TMED3: variants seen among roughly 807,000 people sequenced by gnomAD.
The protein encoded by TMED3 is transmembrane emp24 domain-containing protein 3.
In TMED3, 9 loss-of-function variants were observed where a neutral mutation model predicts 15.0. The observed-to-expected ratio is 0.60, with a 90% CI of 0.36 to 1.04. The LOEUF (loss-of-function observed/expected upper bound fraction) is 1.04, where lower values mean the gene tolerates loss of function less well. TMED3 is among the 50% of genes least tolerant of loss of function. TMED3 has a pLI of 0.01. For missense variants in TMED3, 267 were observed against 278.9 expected, an observed-to-expected ratio of 0.96 and a Z score of 0.30; for synonymous variants, 117 against 121.4, an observed-to-expected ratio of 0.96 and a Z score of 0.24.
chr15:79,411,599 A>C (rs1479509635), exon 3 of TMED3: 1 of 671,504 alleles, frequency 1.5e-6, no homozygotes, highest in African/African-American at 1.8e-5. Context: ...GCTACCATGC[A>C]CTGGGACTAG....
At chr15:79,379,802 A>C (rs1053850085) in intron 2 of TMED3, among the ~76,000 whole-genome samples, 3 of 152,208 alleles carry the variant, frequency 2.0e-5, no homozygotes, top group Non-Finnish European at 4.4e-5. Flanking sequence ...GACAGCTAGC[A>C]TATAATTTTG....
chr15:79,353,388 TTG>T (rs2058905556), intron 2 of TMED3, among the ~76,000 whole-genome samples: 1 of 125,896 alleles, frequency 7.9e-6, no homozygotes, highest in Non-Finnish European at 1.6e-5. Flanking sequence ...ATATAAAATT[TTG>T]TGTCTTTCAA....
At chr15:79,317,688 T>A (rs1357531508) in intron 2 of TMED3, among the ~76,000 whole-genome samples, 1 of 152,200 alleles carries the variant, frequency 6.6e-6, no homozygotes, top group Non-Finnish European at 1.5e-5. Flanking sequence ...TATGTGTGTG[T>A]CTCCATCCCT....
At chr15:79,322,925 T>C, downstream of TMED3, 3 of 982,264 alleles carry the variant, frequency 3.1e-6, no homozygotes, top group Non-Finnish European at 3.6e-6. Context: ...ATAATTAGAA[T>C]GTGACATAGA....
At chr15:79,405,639 C>T (rs76144520) in intron 2 of TMED3, among the ~76,000 whole-genome samples, 7,081 of 152,246 alleles carry the variant, frequency 0.047, 226 homozygotes, top group Admixed American at 0.086. Flanking sequence ...ATGTGACCAG[C>T]CCCTGAATTT....
intron 2 of TMED3, among the ~76,000 whole-genome samples, chr15:79,320,872 G>C (rs1244091081): frequency 1.3e-5 from 2 of 152,204 alleles, no homozygotes; most frequent in East Asian, 3.9e-4. Flanking sequence ...GGTGGTGGCA[G>C]GTTGGGCTCC....
At chr15:79,317,678 T>TA (rs755394182) in intron 2 of TMED3, among the ~76,000 whole-genome samples, 2 of 152,234 alleles carry the variant, frequency 1.3e-5, no homozygotes, top group African/African-American at 4.8e-5. Context: ...TGTATACACT[T>TA]ATGTGTGTGT....
At chr15:79,405,603 C>T (rs1342583537) in intron 2 of TMED3, among the ~76,000 whole-genome samples, 4 of 152,218 alleles carry the variant, frequency 2.6e-5, no homozygotes, top group African/African-American at 9.6e-5. Context: ...AAGTCTCCGA[C>T]CACTGAATGC....
At chr15:79,323,932 T>C (rs1180658192), downstream of TMED3, among the ~76,000 whole-genome samples, 1 of 152,210 alleles carries the variant, frequency 6.6e-6, no homozygotes, top group Non-Finnish European at 1.5e-5. Context: ...GCTTATGCAG[T>C]GTTTATGTTT....
intron 2 of TMED3, among the ~76,000 whole-genome samples, chr15:79,320,993 T>G (rs879130527): frequency 6.6e-6 from 1 of 152,226 alleles, no homozygotes; most frequent in Non-Finnish European, 1.5e-5. Flanking sequence ...CTGACTGTTG[T>G]ACCCTCAACG....
At chr15:79,324,238 G>A (rs764464910), downstream of TMED3, among the ~76,000 whole-genome samples, 6 of 152,148 alleles carry the variant, frequency 3.9e-5, no homozygotes, top group Non-Finnish European at 5.9e-5. Flanking sequence ...TGATCCGCCC[G>A]CCTCGGCCTC....
chr15:79,408,345 A>C (rs1893928886), intron 2 of TMED3, among the ~76,000 whole-genome samples: 1 of 152,178 alleles, frequency 6.6e-6, no homozygotes, highest in Admixed American at 6.5e-5. Flanking sequence ...CGGACGTATG[A>C]GTCACCCATA....
intron 1 of TMED3, among the ~76,000 whole-genome samples, chr15:79,312,178 G>A (rs1166629385): frequency 6.6e-6 from 1 of 152,190 alleles, no homozygotes; most frequent in Non-Finnish European, 1.5e-5. Context: ...GACGCATGCT[G>A]ATAGGCACTT....
intron 2 of TMED3, among the ~76,000 whole-genome samples, chr15:79,340,658 T>A (rs555466897): frequency 6.6e-6 from 1 of 152,344 alleles, no homozygotes; most frequent in African/African-American, 2.4e-5. Context: ...AGGAGGTTAT[T>A]TTTCCGGCAT....
chr15:79,320,226 AC>A (rs2058760299), intron 2 of TMED3, among the ~76,000 whole-genome samples: 1 of 151,804 alleles, frequency 6.6e-6, no homozygotes, highest in African/African-American at 2.4e-5. Context: ...GAAGGCTCGC[AC>A]TCTTGTCTTC....
intron 2 of TMED3, among the ~76,000 whole-genome samples, chr15:79,389,748 A>G (rs778905434): frequency 2.0e-5 from 3 of 151,758 alleles, no homozygotes; most frequent in Non-Finnish European, 4.4e-5. Flanking sequence ...CCATTTTTTG[A>G]TGTCATCTGT....
At chr15:79,327,702 T>A (rs2058792383), downstream of TMED3, among the ~76,000 whole-genome samples, 1 of 152,022 alleles carries the variant, frequency 6.6e-6, no homozygotes, top group Non-Finnish European at 1.5e-5. Context: ...TCTGGGAGAG[T>A]CTGACCATCT....
At position 79,322,038 on chromosome 15, in the gene TMED3, C is replaced by G. The variant is rs1204754680; in HGVS notation, c.478C>G (p.His160Asp). The G allele has an allele frequency of 6.2e-7, 1 of 1,614,222 alleles. No individual in the cohort carries two copies. Among genetic ancestry groups the G allele is most frequent in the South Asian group, 1.1e-5 (1 of 91,080 alleles). The part of the protein sequence containing the change: ...ALKTVIDSQT[H>D]YRLREAQDRA... ...GAAAACGGTGATTGACTCCCAGACG[C>G]ATTACCGGCTGCGGGAGGCCCAGGA... Residue 160 changes from histidine (H) to aspartate (D), a missense_variant, in exon 3 of 3, where the codon CAT (histidine) becomes GAT (aspartate). Physicochemically the swap from His to Asp is moderately conservative, Grantham distance 81. Coordinates refer to ENST00000299705, the MANE Select transcript of TMED3 (RefSeq NM_007364.4).
intron 2 of TMED3, among the ~76,000 whole-genome samples, chr15:79,365,278 A>G (rs1393473482): frequency 6.6e-6 from 1 of 152,266 alleles, no homozygotes; most frequent in Non-Finnish European, 1.5e-5. Flanking sequence ...GTAACTGATT[A>G]AAGACGAGAA....
Sources: allele counts gnomAD v4.1 joint callset (sites outside exome capture counted in the v4.1 genomes callset), GRCh38; gene constraint gnomAD v4.1.1; transcripts MANE v1.5; gene names NCBI Gene and HGNC (gene_info 2026-07-23, HGNC 2026-07-21).